USP34: variants seen among roughly 807,000 people sequenced by gnomAD.
USP34 encodes the protein ubiquitin specific peptidase 34, also known as ubiquitin carboxyl-terminal hydrolase 34.
Under a neutral mutation model 460.3 loss-of-function variants are expected in USP34, and 70 were observed. The ratio of observed to expected loss-of-function variants is 0.15; its 90% CI spans 0.13 to 0.19. USP34 has a LOEUF of 0.19. Among genes scored for constraint, USP34 ranks in the 10% least tolerant of loss-of-function variants. The probability of loss-of-function intolerance (pLI) is 1.00; values close to 1 mark genes in which losing one functional copy is unlikely to be tolerated. For missense variants in USP34, 3,985 were observed against 4,236.2 expected (o/e 0.94, Z 1.65); for synonymous variants, 1,647 against 1,405.3 (o/e 1.17, Z -3.85).
intron 3 of USP34, among the ~76,000 whole-genome samples, chr2:61,400,145 T>C (rs1693670696): frequency 6.6e-6 from 1 of 151,188 alleles, no homozygotes; most frequent in African/African-American, 2.4e-5. Flanking sequence ...AGTCGCATTC[T>C]GTTGCCCAGG....
intron 2 of USP34, among the ~76,000 whole-genome samples, chr2:61,418,473 A>G (rs1694262978): frequency 6.6e-6 from 1 of 152,212 alleles, no homozygotes; most frequent in African/African-American, 2.4e-5. Context: ...ATCTTACGAA[A>G]GCTTTTTCCC....
intron 62 of USP34, among the ~76,000 whole-genome samples, chr2:61,225,609 T>C (rs1041242812): frequency 2.0e-5 from 3 of 152,190 alleles, no homozygotes; most frequent in Non-Finnish European, 4.4e-5. Context: ...TGATTTATAG[T>C]CAATTCTTGT....
At chr2:61,233,945 G>C (rs900804015) in intron 57 of USP34, among the ~76,000 whole-genome samples, 1 of 151,996 alleles carries the variant, frequency 6.6e-6, no homozygotes, top group African/African-American at 2.4e-5. Flanking sequence ...TCTTATGTTA[G>C]AAATATATAC....
chr2:61,303,462 G>A (rs538655081), intron 27 of USP34, among the ~76,000 whole-genome samples: 51 of 152,222 alleles, frequency 3.4e-4, no homozygotes, highest in Admixed American at 1.7e-3. Flanking sequence ...ATCTAATAGC[G>A]ATACCATTTT....
intron 8 of USP34, among the ~76,000 whole-genome samples, chr2:61,372,334 C>T (rs188761051): frequency 2.0e-4 from 31 of 152,068 alleles, no homozygotes; most frequent in Admixed American, 5.2e-4. Context: ...ACTGAAGTTA[C>T]GATACATAAA....
At chr2:61,432,743 A>T (rs574074084) in intron 1 of USP34, among the ~76,000 whole-genome samples, 56 of 152,280 alleles carry the variant, frequency 3.7e-4, no homozygotes, top group African/African-American at 1.3e-3. Context: ...GGTGAAAAAA[A>T]AAACTACCCA....
intron 39 of USP34, among the ~76,000 whole-genome samples, chr2:61,279,998 T>C (rs1213024114): frequency 6.6e-6 from 1 of 152,184 alleles, no homozygotes; most frequent in Non-Finnish European, 1.5e-5. Context: ...TCCACGTATC[T>C]TACTGAGAAG....
chr2:61,369,154 T>C (rs948407397), intron 10 of USP34, among the ~76,000 whole-genome samples: 2 of 152,224 alleles, frequency 1.3e-5, no homozygotes, highest in Admixed American at 1.3e-4. Flanking sequence ...GATCATGTAA[T>C]TTAATGTGCT....
chr2:61,325,375 T>G lies in USP34; in HGVS notation c.3013A>C (p.Arg1005=). The G allele has an allele frequency of 5.8e-6, 9 of 1,539,314 alleles. No individual in the cohort carries two copies. Among genetic ancestry groups the G allele is most frequent in the Non-Finnish European group, 7.8e-6 (9 of 1,150,218 alleles). ...FSTLGSPDHF[R]LSLEQVDILW... ...AAAAAGTACTGATTAAAAAACTTAC[T>G]GAAATGATCAGGTGATCCCAGAGTT... The change falls in exon 21 of 80, where the codon AGG becomes CGG. Residue 1005 remains arginine (R), a splice_region_variant and synonymous_variant. Coordinates refer to ENST00000398571, the MANE Select transcript of USP34 (RefSeq NM_014709.4).
Position 61,470,754 on chromosome 2 carries a change from G to GGGGGGAGGGGAGAGAGGC in USP34, c.-80_-63dup, listed in dbSNP as rs1695934803. The GGGGGGAGGGGAGAGAGGC allele has an allele frequency of 2.0e-6, 3 of 1,466,178 alleles. No individual in the cohort carries two copies. The East Asian group carries it at 7.9e-5, about 39-fold the overall frequency. The allele number at this position is 1,466,178 out of a possible 1,614,324, so 90.8% of individuals were successfully genotyped here. A position where few individuals can be genotyped will look rare whatever the true frequency, so the allele number is the denominator to read the frequency against. Reference sequence around the variant, plus strand: ...TCACACTGACTGATCCCGACCGGCGGGGGGGAGGGGAGAGAGGCGGAGGAG... The same window carrying GGGGGGAGGGGAGAGAGGC: ...TCACACTGACTGATCCCGACCGGCGGGGGGGAGGGGAGAGAGGCGGGGGAGGGGAGAGAGGCGGAGGAG... On this transcript the variant is annotated 5_prime_UTR_variant, in exon 1 of 80. Coordinates refer to ENST00000398571, the MANE Select transcript of USP34 (RefSeq NM_014709.4).
At chr2:61,280,393 A>G (rs1689498567) in intron 38 of USP34, 45 bp from the exon 39 acceptor site, 2 of 936,564 alleles carry the variant, frequency 2.1e-6, no homozygotes, top group African/African-American at 1.7e-5. Context: ...TTAAAAATAA[A>G]TAAAATTATA....
intron 2 of USP34, among the ~76,000 whole-genome samples, chr2:61,411,405 C>T (rs1049393999): frequency 1.3e-5 from 2 of 150,362 alleles, no homozygotes; most frequent in Non-Finnish European, 3.0e-5. Context: ...GAAAAAAAAA[C>T]TGAAAGCAAG....
rs1192593090 is a variant in USP34, at chr2:61,256,595, G to C, written c.6127-117C>G. The C allele has an allele frequency of 6.9e-6, 5 of 722,188 alleles. No homozygotes were observed. In the African/African-American group the frequency reaches 7.6e-5, roughly 11 times the overall value. 44.7% of individuals were successfully genotyped at this position (722,188 alleles called of 1,614,324 possible). A position where few individuals can be genotyped will look rare whatever the true frequency, so the allele number is the denominator to read the frequency against. On this transcript the variant is annotated intron_variant, in intron 47 of 79. Coordinates refer to ENST00000398571, the MANE Select transcript of USP34 (RefSeq NM_014709.4). ...CAGCAAAAAAATTTTTTTTTTAAAAGTGAATTCTTAAATTTTAGTAAAAAA... is the reference window on the plus strand; with the variant it reads ...CAGCAAAAAAATTTTTTTTTTAAAACTGAATTCTTAAATTTTAGTAAAAAA...
intron 43 of USP34, among the ~76,000 whole-genome samples, chr2:61,262,500 G>A (rs1688921186): frequency 6.6e-6 from 1 of 152,092 alleles, no homozygotes; most frequent in African/African-American, 2.4e-5. Context: ...ACATGTTTTT[G>A]CAAAAGACAT....
chr2:61,381,921 A>G (rs1012364820), intron 6 of USP34, among the ~76,000 whole-genome samples: 47 of 152,284 alleles, frequency 3.1e-4, no homozygotes, highest in African/African-American at 1.1e-3. Context: ...CTCAGTAATG[A>G]TATCCACAGT....
chr2:61,344,078 A>G (rs1691686720), intron 15 of USP34, 49 bp from the exon 16 acceptor site: 1 of 1,571,484 alleles, frequency 6.4e-7, no homozygotes, highest in African/African-American at 1.4e-5. Flanking sequence ...ATGTGAATCT[A>G]ATTTGTGAAC....
chr2:61,468,526 T>C (rs1481405426), intron 1 of USP34, among the ~76,000 whole-genome samples: 5 of 152,232 alleles, frequency 3.3e-5, no homozygotes, highest in African/African-American at 1.2e-4. Flanking sequence ...GATTATTGTT[T>C]AAGAGTTAAA....
At chr2:61,206,999 A>C in intron 70 of USP34, 113 bp from the exon 71 acceptor site, 2 of 1,155,726 alleles carry the variant, frequency 1.7e-6, no homozygotes, top group Non-Finnish European at 2.4e-6. Context: ...CTGTGTGTGC[A>C]CATGTGTGCA....
chr2:61,357,727 C>G (rs1251008057), intron 10 of USP34, among the ~76,000 whole-genome samples: 1 of 152,172 alleles, frequency 6.6e-6, no homozygotes, highest in African/African-American at 2.4e-5. Context: ...ACGGTGAAAT[C>G]CTTTCTCTAC....
Sources: allele counts gnomAD v4.1 joint callset (sites outside exome capture counted in the v4.1 genomes callset), GRCh38; gene constraint gnomAD v4.1.1; transcripts MANE v1.5; gene names NCBI Gene and HGNC (gene_info 2026-07-23, HGNC 2026-07-21).